FARSB: variants seen among roughly 807,000 people sequenced by gnomAD.
FARSB encodes the protein phenylalanine--tRNA ligase beta subunit.
Under a neutral mutation model 69.6 loss-of-function variants are expected in FARSB, and 40 were observed. The ratio of observed to expected loss-of-function variants is 0.57; its 90% CI spans 0.45 to 0.75. The LOEUF (loss-of-function observed/expected upper bound fraction) is 0.75. Among genes scored for constraint, FARSB ranks in the 30% least tolerant of loss-of-function variants. The pLI is 0.00. For missense variants in FARSB, 632 were observed against 722.9 expected, an observed-to-expected ratio of 0.87 and a Z score of 1.44; for synonymous variants, 235 against 247.2, an observed-to-expected ratio of 0.95 and a Z score of 0.46.
chr2:222,642,735 A>G, intron 3 of FARSB, 116 bp downstream of exon 3: 1 of 683,230 alleles, frequency 1.5e-6, no homozygotes, highest in Non-Finnish European at 2.4e-6. Context: ...ATTGAGAGCT[A>G]AAGCTACGTT....
At chr2:222,643,033 A>G in intron 2 of FARSB, 28 bp from the exon 3 acceptor site, 1 of 1,414,450 alleles carries the variant, frequency 7.1e-7, no homozygotes, top group Non-Finnish European at 9.7e-7. Flanking sequence ...GTAATGATAA[A>G]AATTAAATAA....
At chr2:222,611,326 T>C (rs1358582391) in intron 15 of FARSB, among the ~76,000 whole-genome samples, 1 of 152,002 alleles carries the variant, frequency 6.6e-6, no homozygotes, top group African/African-American at 2.4e-5. Flanking sequence ...GAACTATCCT[T>C]CCCAACGAAA....
chr2:222,573,638 T>C (rs934158673), intron 16 of FARSB, among the ~76,000 whole-genome samples: 5 of 152,118 alleles, frequency 3.3e-5, no homozygotes, highest in African/African-American at 7.2e-5. Context: ...TCAAATGACA[T>C]GTAAGTGAAG....
intron 2 of FARSB, among the ~76,000 whole-genome samples, chr2:222,645,593 T>C (rs1471555079): frequency 6.6e-6 from 1 of 151,294 alleles, no homozygotes. Flanking sequence ...ATCAGAAAAT[T>C]ATCTTTTAAA....
chr2:222,647,903 T>A (rs1020283773), intron 2 of FARSB, among the ~76,000 whole-genome samples: 36 of 152,268 alleles, frequency 2.4e-4, no homozygotes, highest in African/African-American at 8.7e-4. Context: ...TGCATTATAA[T>A]CACCTGGAGG....
At chr2:222,641,248 T>C (rs1363777198) in intron 3 of FARSB, among the ~76,000 whole-genome samples, 1 of 152,234 alleles carries the variant, frequency 6.6e-6, no homozygotes, top group Non-Finnish European at 1.5e-5. Flanking sequence ...GCTGAGGGAC[T>C]GGATTAGATA....
chr2:222,599,865 A>G (rs1357335046), intron 16 of FARSB, 63 bp downstream of exon 16: 2 of 1,337,138 alleles, frequency 1.5e-6, no homozygotes, highest in Admixed American at 2.7e-5. Flanking sequence ...AACTTCATCA[A>G]AAACAAGGTG....
chr2:222,634,308 A>T, intron 6 of FARSB, 83 bp downstream of exon 6: 1 of 944,822 alleles, frequency 1.1e-6, no homozygotes, highest in Non-Finnish European at 1.6e-6. Context: ...AGTATTGATT[A>T]CATTTCCCTA....
At chr2:222,583,434 T>C (rs879645835) in intron 16 of FARSB, among the ~76,000 whole-genome samples, 2 of 152,208 alleles carry the variant, frequency 1.3e-5, no homozygotes, top group Admixed American at 6.5e-5. Flanking sequence ...ATAGCATGCA[T>C]TGGGAAGTTA....
At chr2:222,604,475 T>C (rs1690649447) in intron 15 of FARSB, among the ~76,000 whole-genome samples, 1 of 152,154 alleles carries the variant, frequency 6.6e-6, no homozygotes. Flanking sequence ...CACACTATAT[T>C]CAAGGCGCTC....
At chr2:222,641,819 C>T (rs1308410459) in intron 3 of FARSB, among the ~76,000 whole-genome samples, 9 of 152,118 alleles carry the variant, frequency 5.9e-5, no homozygotes, top group African/African-American at 2.2e-4. Flanking sequence ...TAACCTAATG[C>T]CTAATTATCA....
In FARSB at chr2:222,656,041, G is replaced by A. The variant is rs1692167467; in HGVS notation, c.33C>T (p.Leu11=). MPTVSVKRDL[L]FQALGRTYTD... The stretch of plus-strand genomic sequence containing the variant: ...TGTAGGTGCGGCCCAGGGCTTGGAA[G>A]AGCAGATCACGCTTCACGCTGACAG... The change falls in exon 1 of 17, where the codon CTC becomes CTT. Residue 11 remains leucine (L), a synonymous_variant. Coordinates refer to ENST00000281828, the MANE Select transcript of FARSB (RefSeq NM_005687.5). The A allele has an allele frequency of 1.3e-6, 2 of 1,597,706 alleles. No homozygotes were observed. The highest frequency in any genetic ancestry group is 1.7e-4 in the Middle Eastern group (1 of 6,020).
chr2:222,610,494 T>A (rs778093439), intron 15 of FARSB, among the ~76,000 whole-genome samples: 82 of 82,344 alleles, frequency 1.0e-3, no homozygotes, highest in Non-Finnish European at 7.4e-4. Context: ...ATTCTAAAAA[T>A]AAAAAATAGA....
intron 5 of FARSB, among the ~76,000 whole-genome samples, chr2:222,636,128 C>G (rs971893276): frequency 3.3e-5 from 5 of 151,366 alleles, no homozygotes; most frequent in African/African-American, 1.2e-4. Flanking sequence ...ATGCTTAGGC[C>G]GCACGCGGTG....
intron 16 of FARSB, among the ~76,000 whole-genome samples, chr2:222,595,704 G>A (rs144408196): frequency 1.1e-4 from 17 of 152,096 alleles, no homozygotes; most frequent in African/African-American, 3.4e-4. Flanking sequence ...TCAAGTCAAC[G>A]CAGCCAATCA....
intron 7 of FARSB, among the ~76,000 whole-genome samples, chr2:222,632,444 C>T (rs1483507522): frequency 6.6e-6 from 1 of 152,148 alleles, no homozygotes; most frequent in Non-Finnish European, 1.5e-5. Context: ...ATGTTCTTAA[C>T]CACTGTAACT....
At chr2:222,575,077 G>C (rs968361351) in intron 16 of FARSB, among the ~76,000 whole-genome samples, 1 of 152,194 alleles carries the variant, frequency 6.6e-6, no homozygotes. Context: ...AAGAAAACAA[G>C]GGAGATATAG....
intron 14 of FARSB, among the ~76,000 whole-genome samples, chr2:222,617,605 C>T (rs1277484657): frequency 6.6e-6 from 1 of 152,192 alleles, no homozygotes; most frequent in African/African-American, 2.4e-5. Flanking sequence ...GACAAAAGGC[C>T]AAGCGAGGTG....
intron 10 of FARSB, among the ~76,000 whole-genome samples, chr2:222,626,243 C>CAAAAAAAAAAAAA (rs36117232): frequency 1.8e-5 from 1 of 56,972 alleles, no homozygotes; most frequent in Non-Finnish European, 3.3e-5. Context: ...GACTCCATCT[C>CAAAAAAAAAAAAA]AAAAAAAAAA....
Sources: gnomAD v4.1 joint callset for allele counts (sites outside exome capture counted in the v4.1 genomes callset) on GRCh38, gnomAD v4.1.1 for gene constraint, MANE v1.5 for transcripts, NCBI Gene and HGNC (gene_info 2026-07-23, HGNC 2026-07-21) for gene names.